The following CUL3 variants were observed in gnomAD, a reference collection of about 807,000 sequenced individuals.
CUL3 encodes cullin 3.
CUL3 carries 19 observed loss-of-function variants against 89.1 expected under a neutral mutation model. The ratio of observed to expected loss-of-function variants is 0.21; its 90% CI spans 0.15 to 0.31. The LOEUF (loss-of-function observed/expected upper bound fraction) is 0.31, where lower values mean the gene tolerates loss of function less well. CUL3 is among the 10% of genes least tolerant of loss of function. The pLI is 1.00. For missense variants in CUL3, 469 were observed against 942.3 expected, an observed-to-expected ratio of 0.50 and a Z score of 6.58; for synonymous variants, 351 against 308.4, an observed-to-expected ratio of 1.14 and a Z score of -1.45.
intron 1 of CUL3, among the ~76,000 whole-genome samples, chr2:224,578,242 C>T (rs933718009): frequency 2.6e-5 from 4 of 152,060 alleles, no homozygotes; most frequent in Non-Finnish European, 5.9e-5. Context: ...CTGGAATCAA[C>T]CAAAATATTT....
chr2:224,584,593 G>A (rs889267689), intron 1 of CUL3, among the ~76,000 whole-genome samples: 11 of 151,936 alleles, frequency 7.2e-5, no homozygotes, highest in African/African-American at 2.7e-4. Context: ...GGACTCCGCG[G>A]CTGCTAGCAG....
At chr2:224,509,850 A>G (rs927142093) in intron 6 of CUL3, among the ~76,000 whole-genome samples, 1 of 152,256 alleles carries the variant, frequency 6.6e-6, no homozygotes, top group Non-Finnish European at 1.5e-5. Context: ...TGCTTTGCAT[A>G]AAGTCCCAGT....
intron 1 of CUL3, among the ~76,000 whole-genome samples, chr2:224,576,260 A>G (rs958111324): frequency 1.2e-4 from 18 of 152,216 alleles, no homozygotes; most frequent in Admixed American, 1.0e-3. Context: ...GGAAGGGATG[A>G]GATGCGAAGA....
At chr2:224,565,293 G>T (rs1490384075) in intron 1 of CUL3, among the ~76,000 whole-genome samples, 1 of 152,230 alleles carries the variant, frequency 6.6e-6, no homozygotes, top group Non-Finnish European at 1.5e-5. Context: ...ATAAGTGGAA[G>T]TGGATTGTCA....
chr2:224,509,616 T>C (rs1240286413), intron 6 of CUL3, among the ~76,000 whole-genome samples: 1 of 152,220 alleles, frequency 6.6e-6, no homozygotes, highest in African/African-American at 2.4e-5. Context: ...TGAGTACTAT[T>C]ATGGTATTCC....
rs1484798367 is a variant in CUL3 at position 224,470,601 on chromosome 2, G to A, written c.*3644C>T. On this transcript the variant is annotated 3_prime_UTR_variant, in exon 16 of 16. Transcript: ENST00000264414. Reference sequence around the variant, plus strand: ...CTGTAGATTTGAATTTAAGGTACATGCCTATCTGTGGTACCCACTTAAGTA... The same window carrying A: ...CTGTAGATTTGAATTTAAGGTACATACCTATCTGTGGTACCCACTTAAGTA... The A allele has an allele frequency of 4.3e-6, 1 of 231,686 alleles. No individual in the cohort carries two copies. The highest frequency in any genetic ancestry group is 2.2e-5 in the African/African-American group (1 of 45,266). 14.4% of individuals were successfully genotyped at this position (231,686 alleles called of 1,614,324 possible).
In CUL3 at chr2:224,585,265, C is replaced by A. The variant is rs1340362364; in HGVS notation, c.-256G>T. The stretch of plus-strand genomic sequence containing the variant: ...TGGCGCGGCGGCTCCGCGGGGTCCC[C>A]CTCACGTCCGGCTCGGCTCCCTTTA... On this transcript the variant is annotated 5_prime_UTR_variant, in exon 1 of 16. Coordinates refer to ENST00000264414, the MANE Select transcript of CUL3 (RefSeq NM_003590.5). 1 of 398,150 alleles carries A rather than the reference C, an allele frequency of 2.5e-6. No individual in the cohort carries two copies. Among genetic ancestry groups the A allele is most frequent in the Non-Finnish European group, 4.4e-6 (1 of 226,782 alleles). 24.7% of individuals were successfully genotyped at this position (398,150 alleles called of 1,614,324 possible).
rs1694760276 is a variant in CUL3 at position 224,557,797 on chromosome 2, T to C, written c.126A>G (p.Gln42=). 6 of 1,608,220 alleles carry C rather than the reference T, an allele frequency of 3.7e-6. No individual in the cohort carries two copies. The highest frequency in any genetic ancestry group is 4.2e-6 in the Non-Finnish European group (5 of 1,178,176). Residue 42 remains glutamine, a synonymous_variant, in exon 2 of 16, where the codon CAA becomes CAG. Transcript: ENST00000264414. ...CACTGTTATTCTTACGCTGGATTTC[T>C]TGAATTGCATTTTTCAGAAGGTCCC... ...SIWDLLKNAI[Q]EIQRKNNSGL... is the part of the protein sequence containing the mutation.
chr2:224,492,960 G>A (rs1414184078), intron 13 of CUL3, among the ~76,000 whole-genome samples: 3 of 152,156 alleles, frequency 2.0e-5, no homozygotes, highest in Non-Finnish European at 2.9e-5. Flanking sequence ...CATGTGCAGA[G>A]AAACTAAGGC....
intron 1 of CUL3, among the ~76,000 whole-genome samples, chr2:224,576,018 A>G (rs1695289481): frequency 6.6e-6 from 1 of 152,238 alleles, no homozygotes; most frequent in Non-Finnish European, 1.5e-5. Flanking sequence ...TTAACATAGT[A>G]TCTGTGAGGA....
intron 10 of CUL3, among the ~76,000 whole-genome samples, chr2:224,501,446 G>A (rs561726991): frequency 6.6e-6 from 1 of 152,008 alleles, no homozygotes; most frequent in Non-Finnish European, 1.5e-5. Context: ...CAACAATAAG[G>A]CACAACAAAA....
At chr2:224,513,728 C>A in intron 4 of CUL3, 90 bp from the exon 5 acceptor site, 1 of 880,438 alleles carries the variant, frequency 1.1e-6, no homozygotes, top group Non-Finnish European at 1.7e-6. Flanking sequence ...AAAATATCTT[C>A]AGGACATTTA....
chr2:224,562,067 T>G (rs1418125448), intron 1 of CUL3, among the ~76,000 whole-genome samples: 1 of 152,178 alleles, frequency 6.6e-6, no homozygotes, highest in African/African-American at 2.4e-5. Flanking sequence ...TATTAAAATG[T>G]CTCTACCCAG....
At position 224,485,698 on chromosome 2, in the gene CUL3, T is replaced by C. The variant is rs1396232125; in HGVS notation, c.1843-3620A>G. On this transcript the variant is annotated intron_variant, in intron 13 of 15. Coordinates refer to ENST00000264414, the MANE Select transcript of CUL3 (RefSeq NM_003590.5). This position sits in a 1 kb window ranked among gnomAD's most constrained non-coding sequence, Gnocchi z 4.1. ...TGGGCCCAGCTTCAGCAGAATTAAA[T>C]GTTCTTGCCTGCTGGCTCTGAAGAG... is the stretch of plus-strand genomic sequence containing the variant. Among the ~76,000 whole-genome samples, 1 of 152,210 alleles carries C rather than the reference T, an allele frequency of 6.6e-6. No homozygotes were observed. The highest frequency in any genetic ancestry group is 1.5e-5 in the Non-Finnish European group (1 of 68,042).
intron 13 of CUL3, among the ~76,000 whole-genome samples, chr2:224,488,505 A>T (rs1691828973): frequency 6.6e-6 from 1 of 152,230 alleles, no homozygotes; most frequent in Admixed American, 6.5e-5. Flanking sequence ...CAAATAAACT[A>T]GAAAATCTGG....
chr2:224,500,617 A>C (rs1419106908), intron 10 of CUL3, 130 bp from the exon 11 acceptor site: 10 of 674,604 alleles, frequency 1.5e-5, no homozygotes, highest in African/African-American at 2.1e-5. Context: ...AAAAAAGCAG[A>C]TTTTCTTTTC....
chr2:224,550,787 C>T (rs146950605), intron 2 of CUL3, among the ~76,000 whole-genome samples: 16 of 152,132 alleles, frequency 1.1e-4, no homozygotes, highest in African/African-American at 3.9e-4. Context: ...CTGTTATTCA[C>T]CTGAATTTCT....
At chr2:224,527,560 C>A (rs2106248772) in intron 3 of CUL3, among the ~76,000 whole-genome samples, 1 of 152,314 alleles carries the variant, frequency 6.6e-6, no homozygotes, top group Non-Finnish European at 1.5e-5. Flanking sequence ...TGACACACTC[C>A]TTAAAGATGC....
At chr2:224,482,417 TA>T (rs1691568417) in intron 13 of CUL3, among the ~76,000 whole-genome samples, 1 of 152,142 alleles carries the variant, frequency 6.6e-6, no homozygotes, top group South Asian at 2.1e-4. Flanking sequence ...ATATAATTGC[TA>T]ATTTTATAAA....
Sources: gnomAD v4.1 joint callset for allele counts (sites outside exome capture counted in the v4.1 genomes callset) on GRCh38, gnomAD v4.1.1 for gene constraint, Gnocchi (gnomAD v3.1) non-coding constraint, MANE v1.5 for transcripts, NCBI Gene and HGNC (gene_info 2026-07-23, HGNC 2026-07-21) for gene names.